Variants in ATXN2L observed in about 807,000 individuals in gnomAD.
ATXN2L encodes ataxin-2-like protein.
In ATXN2L, 24 loss-of-function variants were observed where a neutral mutation model predicts 120.7. The observed-to-expected ratio is 0.20, with a 90% CI of 0.14 to 0.28. The LOEUF is 0.28. ATXN2L is among the 10% of genes least tolerant of loss of function. ATXN2L has a pLI of 1.00. For synonymous variants in ATXN2L, 653 were observed against 568.1 expected (o/e 1.15, Z -2.13); for missense variants, 1,312 against 1,432.3 (o/e 0.92, Z 1.36).
rs1197019763 is a variant in ATXN2L, at chr16:28,831,088, T to C, written c.1321+16T>C. On this transcript the variant is annotated intron_variant, in intron 10 of 21. Transcript: ENST00000336783. ...CCTCCTGCAGGTAAAGCTTTAGTAGTGTTGGATGAAGAAATGGATGGAAAT... is the reference window on the plus strand; with the variant it reads ...CCTCCTGCAGGTAAAGCTTTAGTAGCGTTGGATGAAGAAATGGATGGAAAT... The C allele has an allele frequency of 1.3e-6, 2 of 1,534,656 alleles. No individual in the cohort carries two copies. Among genetic ancestry groups the C allele is most frequent in the East Asian group, 2.3e-5 (1 of 44,166 alleles).
At position 28,834,334 on chromosome 16, in the gene ATXN2L, C is replaced by A; in HGVS notation, c.2173-9C>A. 1 of 1,613,734 alleles carries A rather than the reference C, an allele frequency of 6.2e-7. No homozygotes were observed. Among genetic ancestry groups the A allele is most frequent in the Non-Finnish European group, 8.5e-7 (1 of 1,179,614 alleles). On this transcript the variant is annotated splice_polypyrimidine_tract_variant and intron_variant, in intron 16 of 21. Coordinates refer to ENST00000336783, the MANE Select transcript of ATXN2L (RefSeq NM_007245.4). ...AGTCATTCAGCCTCATCTGTGTCCT[C>A]ATCCCCAGGCACCTCAGATGTATCC... is the stretch of plus-strand genomic sequence containing the variant.
chr16:28,826,778 C>T (rs993017814), intron 5 of ATXN2L, 84 bp from the exon 6 acceptor site: 2 of 1,445,336 alleles, frequency 1.4e-6, no homozygotes, highest in Non-Finnish European at 1.8e-6. Flanking sequence ...TCCTGAACTA[C>T]TTACGGAGAG....
At chr16:28,831,162 G>C in intron 10 of ATXN2L, 90 bp downstream of exon 10, 1 of 928,774 alleles carries the variant, frequency 1.1e-6, no homozygotes, top group Non-Finnish European at 1.6e-6. Flanking sequence ...TGGAATGGGA[G>C]ATAATTTTAA....
chr16:28,830,231 T>A (rs1253980544), intron 8 of ATXN2L, among the ~76,000 whole-genome samples, 173 bp downstream of exon 8: 2 of 152,186 alleles, frequency 1.3e-5, no homozygotes, highest in African/African-American at 4.8e-5. Context: ...GTAACAAAGC[T>A]GGAGCTTGTA....
rs1312771478 is a variant in ATXN2L, at chr16:28,829,508, C to T, written c.833+16C>T. 7 of 1,534,086 alleles carry T rather than the reference C, an allele frequency of 4.6e-6. No homozygotes were observed. Among genetic ancestry groups the T allele is most frequent in the Non-Finnish European group, 6.3e-6 (7 of 1,107,360 alleles). ...CTTCTTATACGTGAGTATCTTGGTGCTCTCCAGGTGATGTGTTGGTGATAT... is the reference window on the plus strand; with the variant it reads ...CTTCTTATACGTGAGTATCTTGGTGTTCTCCAGGTGATGTGTTGGTGATAT... On this transcript the variant is annotated intron_variant, in intron 7 of 21. Transcript: ENST00000336783.
chr16:28,823,787 G>T (rs1239456941), intron 1 of ATXN2L: 2 of 421,220 alleles, frequency 4.7e-6, no homozygotes, highest in African/African-American at 2.1e-5. Context: ...CCTAGTCAGG[G>T]CTCGCAGCCC....
intron 6 of ATXN2L, among the ~76,000 whole-genome samples, chr16:28,829,119 C>T (rs1280236627): frequency 6.6e-6 from 1 of 152,176 alleles, no homozygotes; most frequent in Non-Finnish European, 1.5e-5. Context: ...CCTCAATCTC[C>T]TGAGTAGCGA....
rs142165125 is a variant in ATXN2L, at chr16:28,830,207, G to A, written c.1034+149G>A. 324 of 755,080 alleles carry A rather than the reference G, an allele frequency of 4.3e-4. 2 individuals are homozygous for A. In the East Asian group the frequency reaches 9.7e-3, roughly 23 times the overall value. 46.8% of individuals were successfully genotyped at this position (755,080 alleles called of 1,614,324 possible). Reference sequence around the variant, plus strand: ...GGAGGTTGAGGTAAAGCGAGATTATGTAATTTGCCTAAAGTAACAAAGCTG... The same window carrying A: ...GGAGGTTGAGGTAAAGCGAGATTATATAATTTGCCTAAAGTAACAAAGCTG... On this transcript the variant is annotated intron_variant, in intron 8 of 21. Coordinates refer to ENST00000336783, the MANE Select transcript of ATXN2L (RefSeq NM_007245.4).
At chr16:28,825,243 T>A in intron 1 of ATXN2L, 123 bp from the exon 2 acceptor site, 3 of 958,320 alleles carry the variant, frequency 3.1e-6, no homozygotes, top group Non-Finnish European at 4.9e-6. Flanking sequence ...TCTTACTGAT[T>A]AACAATTTTG....
At chr16:28,823,977 GGC>G in intron 1 of ATXN2L, 1 of 453,564 alleles carries the variant, frequency 2.2e-6, no homozygotes, top group Non-Finnish European at 2.9e-6. Context: ...AATGGAGGGG[GGC>G]GCGCGGCCCA....
chr16:28,835,788 C>T lies in ATXN2L; in HGVS notation c.2895+30C>T, dbSNP rs750602630. On this transcript the variant is annotated intron_variant, in intron 21 of 21. Coordinates refer to ENST00000336783, the MANE Select transcript of ATXN2L (RefSeq NM_007245.4). ...GAGCCCAGCTGTCCCACTTCTGGGT[C>T]TGTTTGCCAGGGCCCGTCTGCCATG... 1.9e-6 allele frequency: 3 copies of T among 1,612,946 alleles called. 1 individual carries two copies. In the South Asian group the frequency reaches 3.3e-5, roughly 18 times the overall value.
In ATXN2L at chr16:28,823,349, C is replaced by G; in HGVS notation, c.90C>G (p.Gly30=). The change falls in exon 1 of 22, where the codon GGC becomes GGG. Residue 30 remains glycine (G), a synonymous_variant. Coordinates refer to ENST00000336783, the MANE Select transcript of ATXN2L (RefSeq NM_007245.4). ...QQAVARRPPG[G]TSPPNGGLPG... Reference sequence around the variant, plus strand: ...CCGTGGCCCGTCGGCCCCCCGGGGGCACCAGCCCTCCCAACGGCGGCCTCC... The same window carrying G: ...CCGTGGCCCGTCGGCCCCCCGGGGGGACCAGCCCTCCCAACGGCGGCCTCC... 7.3e-7 allele frequency: 1 copy of G among 1,374,144 alleles called. No individual in the cohort carries two copies. Among genetic ancestry groups the G allele is most frequent in the Non-Finnish European group, 9.4e-7 (1 of 1,066,282 alleles). 85.1% of individuals were successfully genotyped at this position (1,374,144 alleles called of 1,614,324 possible).
chr16:28,833,038 G>A (rs764504712), intron 13 of ATXN2L, 21 bp from the exon 14 acceptor site: 1 of 1,611,386 alleles, frequency 6.2e-7, no homozygotes, highest in Non-Finnish European at 8.5e-7. Context: ...AGACTGGACT[G>A]TGTGTGTTTC....
intron 6 of ATXN2L, among the ~76,000 whole-genome samples, chr16:28,828,479 G>T (rs1230329175): frequency 6.6e-6 from 1 of 151,790 alleles, no homozygotes; most frequent in African/African-American, 2.4e-5. Context: ...CCAGCTACTC[G>T]TGAGGTTGAG....
At chr16:28,835,788 C>A in intron 21 of ATXN2L, 30 bp downstream of exon 21, 1 of 1,612,946 alleles carries the variant, frequency 6.2e-7, no homozygotes, top group South Asian at 1.1e-5. Flanking sequence ...ACTTCTGGGT[C>A]TGTTTGCCAG....
Position 28,837,208 on chromosome 16 carries a change from TAAAAA to T in ATXN2L, c.*947_*951del, listed in dbSNP as rs369038578. ...TTACATAAAAATATTAAAAAATAAA[TAAAAA>T]AAATAAAATTTTAAACTAACTTAAC... On this transcript the variant is annotated 3_prime_UTR_variant, in exon 22 of 22. Coordinates refer to ENST00000336783, the MANE Select transcript of ATXN2L (RefSeq NM_007245.4). The T allele has an allele frequency of 1.2e-5, 2 of 168,392 alleles. No individual in the cohort carries two copies. Among genetic ancestry groups the T allele is most frequent in the Non-Finnish European group, 2.5e-5 (2 of 80,228 alleles). The allele number at this position is 168,392 out of a possible 1,614,324, so 10.4% of individuals were successfully genotyped here.
intron 5 of ATXN2L, 103 bp downstream of exon 5, chr16:28,826,493 TG>T (rs1188406385): frequency 1.5e-6 from 2 of 1,354,796 alleles, no homozygotes; most frequent in Non-Finnish European, 2.0e-6. Context: ...TTTGTTTTTT[TG>T]TTTTTGTTTG....
chr16:28,832,506 C>G lies in ATXN2L; in HGVS notation c.1527C>G (p.Leu509=), dbSNP rs752139426. The G allele has an allele frequency of 1.2e-6, 2 of 1,614,156 alleles. No homozygotes were observed. Among genetic ancestry groups the G allele is most frequent in the African/African-American group, 1.3e-5 (1 of 75,056 alleles). The change falls in exon 12 of 22, where the codon CTC becomes CTG. Residue 509 remains leucine (L), a synonymous_variant. Coordinates refer to ENST00000336783, the MANE Select transcript of ATXN2L (RefSeq NM_007245.4). The part of the protein sequence containing the change: ...ISLAPTDVKE[L]STKEPGRTLE... The stretch of plus-strand genomic sequence containing the variant: ...TCTTTACTTGAACAGTAAAAGAACT[C>G]TCTACCAAGGAACCTGGGAGAACTC...
chr16:28,829,063 A>G (rs955342294), intron 6 of ATXN2L, among the ~76,000 whole-genome samples: 14 of 152,010 alleles, frequency 9.2e-5, no homozygotes, highest in African/African-American at 3.4e-4. Flanking sequence ...TGGTGCCATA[A>G]TAATTCACTG....
Sources: allele counts gnomAD v4.1 joint callset (sites outside exome capture counted in the v4.1 genomes callset), GRCh38; gene constraint gnomAD v4.1.1; transcripts MANE v1.5; gene names NCBI Gene and HGNC (gene_info 2026-07-23, HGNC 2026-07-21).